Variants in SLC25A1 observed in about 807,000 individuals in gnomAD.
The protein encoded by SLC25A1 is solute carrier family 25 member 1.
SLC25A1 carries 26 observed loss-of-function variants against 38.1 expected under a neutral mutation model. The ratio of observed to expected loss-of-function variants is 0.68; its 90% CI spans 0.50 to 0.95. The LOEUF (loss-of-function observed/expected upper bound fraction) is 0.95. Ranked by LOEUF, SLC25A1 falls within the 40% of genes least tolerant of loss-of-function variation. The pLI is 0.00. For missense variants in SLC25A1, 378 were observed against 426.6 expected, an observed-to-expected ratio of 0.89 and a Z score of 1.00; for synonymous variants, 211 against 183.2, an observed-to-expected ratio of 1.15 and a Z score of -1.23.
At chr22:19,177,010 T>G (rs2083972172) in intron 5 of SLC25A1, 60 bp from the exon 6 acceptor site, 1 of 1,593,210 alleles carries the variant, frequency 6.3e-7, no homozygotes, top group African/African-American at 1.3e-5. Context: ...TGGGAATTGG[T>G]GTGTGTGGGG....
In SLC25A1 at chr22:19,175,952, TCA is replaced by T. The variant is rs527579079; in HGVS notation, c.*176_*177del. On this transcript the variant is annotated 3_prime_UTR_variant, in exon 9 of 9. Transcript: ENST00000215882. ...CAGACACTGGGACACAGTGGTGGTGTCACACACAGACCACAGGGGGGACACAT... is the reference window on the plus strand; with the variant it reads ...CAGACACTGGGACACAGTGGTGGTGTCACACAGACCACAGGGGGGACACAT... The T allele has an allele frequency of 3.1e-6, 2 of 636,036 alleles. No homozygotes were observed. The highest frequency in any genetic ancestry group is 5.7e-6 in the Non-Finnish European group (2 of 349,006). 39.4% of individuals were successfully genotyped at this position (636,036 alleles called of 1,614,324 possible). A position where few individuals can be genotyped will look rare whatever the true frequency, so the allele number is the denominator to read the frequency against.
rs562982371 is a variant in SLC25A1 at position 19,175,735 on chromosome 22, C to G, written c.*395G>C. ...CCCCTGGAATGCGGTGAAGCCAGGC[C>G]GAGGCCCGGAGGCAGCTGTGGTAGG... is the stretch of plus-strand genomic sequence containing the variant. On this transcript the variant is annotated 3_prime_UTR_variant, in exon 9 of 9. Coordinates refer to ENST00000215882, the MANE Select transcript of SLC25A1 (RefSeq NM_005984.5). 3.1e-4 allele frequency: 69 copies of G among 220,690 alleles called. No individual in the cohort carries two copies. The highest frequency in any genetic ancestry group is 1.5e-3 in the African/African-American group (66 of 43,294). 13.7% of individuals were successfully genotyped at this position (220,690 alleles called of 1,614,324 possible).
Position 19,176,585 on chromosome 22 carries a change from C to T in SLC25A1, c.740G>A (p.Arg247Gln), listed in dbSNP as rs781908532. Residue 247 changes from arginine to glutamine, a missense_variant, in exon 7 of 9, where the codon CGG becomes CAG. Physicochemically the swap from Arg to Gln is conservative, Grantham distance 43 (BLOSUM62 1). Coordinates refer to ENST00000215882, the MANE Select transcript of SLC25A1 (RefSeq NM_005984.5). ...CCTTCCCGGCCCCACCACCTGCATC[C>T]GGGTCTTAATCACATCCAGAGGAGT... ...GNTPLDVIKT[R>Q]MQGLEAHKYR... The T allele has an allele frequency of 9.9e-6, 16 of 1,613,554 alleles. No individual in the cohort carries two copies. The highest frequency in any genetic ancestry group is 2.2e-5 in the South Asian group (2 of 91,092).
At position 19,178,359 on chromosome 22, in the gene SLC25A1, C is replaced by T. The variant is rs2084006201; in HGVS notation, c.95-119G>A. The T allele has an allele frequency of 6.7e-7, 1 of 1,481,660 alleles. No individual in the cohort carries two copies. The highest frequency in any genetic ancestry group is 1.5e-5 in the African/African-American group (1 of 67,964). The allele number at this position is 1,481,660 out of a possible 1,614,324, so 91.8% of individuals were successfully genotyped here. A position where few individuals can be genotyped will look rare whatever the true frequency, so the allele number is the denominator to read the frequency against. ...GCGCCAGTGCCGCGGGGAACATAGG[C>T]TGGGGCCCCACGCCCCCATGCCCTC... On this transcript the variant is annotated intron_variant, in intron 1 of 8. Coordinates refer to ENST00000215882, the MANE Select transcript of SLC25A1 (RefSeq NM_005984.5). This position sits in a 1 kb window ranked among gnomAD's most constrained non-coding sequence, Gnocchi z 4.9.
rs376463484 is a variant in SLC25A1, at chr22:19,176,566, C to G, written c.747+12G>C. 24 of 1,612,702 alleles carry G rather than the reference C, an allele frequency of 1.5e-5. No homozygotes were observed. In the African/African-American group the frequency reaches 2.4e-4, roughly 16 times the overall value. On this transcript the variant is annotated intron_variant, in intron 7 of 8. Coordinates refer to ENST00000215882, the MANE Select transcript of SLC25A1 (RefSeq NM_005984.5). ...TGGTCCCCCCTTCCCCTCCCCTTCCCGGCCCCACCACCTGCATCCGGGTCT... is the reference window on the plus strand; with the variant it reads ...TGGTCCCCCCTTCCCCTCCCCTTCCGGGCCCCACCACCTGCATCCGGGTCT...
intron 6 of SLC25A1, 46 bp downstream of exon 6, chr22:19,176,800 A>G: frequency 6.2e-7 from 1 of 1,603,972 alleles, no homozygotes; most frequent in Non-Finnish European, 8.5e-7. Context: ...AGGAGAGGAG[A>G]GGAGCTGGCC....
chr22:19,177,255 C>G, intron 4 of SLC25A1, 51 bp from the exon 5 acceptor site: 4 of 1,507,594 alleles, frequency 2.7e-6, no homozygotes, highest in Non-Finnish European at 3.7e-6. Context: ...CTGGGTGGGT[C>G]CTGGCTAGCT....
chr22:19,176,219 G>A lies in SLC25A1; in HGVS notation c.847C>T (p.Leu283=), dbSNP rs782037827. The change falls in exon 9 of 9, where the codon CTG becomes TTG. Residue 283 remains leucine (L), a synonymous_variant. Coordinates refer to ENST00000215882, the MANE Select transcript of SLC25A1 (RefSeq NM_005984.5). ...KAFYKGTVPR[L]GRVCLDVAIV... Reference sequence around the variant, plus strand: ...GCCACATCCAGGCAGACCCGGCCCAGGCGGGGGACAGTGCCCTTGTAGAAT... The same window carrying A: ...GCCACATCCAGGCAGACCCGGCCCAAGCGGGGGACAGTGCCCTTGTAGAAT... The A allele has an allele frequency of 6.2e-7, 1 of 1,613,388 alleles. No homozygotes were observed. Among genetic ancestry groups the A allele is most frequent in the Non-Finnish European group, 8.5e-7 (1 of 1,179,992 alleles).
At position 19,175,808 on chromosome 22, in the gene SLC25A1, G is replaced by C; in HGVS notation, c.*322C>G. 4.3e-6 allele frequency: 1 copy of C among 230,276 alleles called. No homozygotes were observed. Among genetic ancestry groups the C allele is most frequent in the Non-Finnish European group, 8.1e-6 (1 of 123,312 alleles). The allele number at this position is 230,276 out of a possible 1,614,324, so 14.3% of individuals were successfully genotyped here. ...GGACTGGGACCGGGCCAGGGCTACA[G>C]GGCCGAGGACCCAGGCCACACGGGC... On this transcript the variant is annotated 3_prime_UTR_variant, in exon 9 of 9. Coordinates refer to ENST00000215882, the MANE Select transcript of SLC25A1 (RefSeq NM_005984.5).
At chr22:19,177,085 T>A (rs2083973086) in intron 5 of SLC25A1, 35 bp downstream of exon 5, 1 of 1,600,154 alleles carries the variant, frequency 6.2e-7, no homozygotes, top group African/African-American at 1.3e-5. Context: ...CTGGCCCAGG[T>A]CCCTGAGCCC....
rs1241578032 is a variant in SLC25A1, at chr22:19,178,243, G to A, written c.95-3C>T. The A allele has an allele frequency of 5.5e-5, 85 of 1,545,896 alleles. No individual in the cohort carries two copies. Among genetic ancestry groups the A allele is most frequent in the Non-Finnish European group, 7.4e-5 (85 of 1,145,310 alleles). ...CTCGATGCCACCCGCCAGGCCGCCT[G>A]CAGGGACCGGGAACCCGCTCCTGAG... On this transcript the variant is annotated splice_polypyrimidine_tract_variant and splice_region_variant and intron_variant, in intron 1 of 8. Coordinates refer to ENST00000215882, the MANE Select transcript of SLC25A1 (RefSeq NM_005984.5). The surrounding 1 kb of genome is among the most constrained non-coding windows in gnomAD (Gnocchi z 4.9).
Position 19,175,867 on chromosome 22 carries a change from CAG to C in SLC25A1, c.*261_*262del, listed in dbSNP as rs1409708916. 2.7e-5 allele frequency: 2 copies of C among 73,242 alleles called. No homozygotes were observed. The highest frequency in any genetic ancestry group is 1.6e-4 in the South Asian group (1 of 6,062). 4.5% of individuals were successfully genotyped at this position (73,242 alleles called of 1,614,324 possible). On this transcript the variant is annotated 3_prime_UTR_variant, in exon 9 of 9. Transcript: ENST00000215882. ...AGGCGGGGCACAGGGTCACGTGACA[CAG>C]AACATGAAACACAGGCACAGGGTCA... is the stretch of plus-strand genomic sequence containing the variant.
Position 19,178,070 on chromosome 22 carries a change from G to C in SLC25A1, c.203-29C>G. The stretch of plus-strand genomic sequence containing the variant: ...GGGGAGGGGGCGGTCAGGACCCCAC[G>C]GCCCTCGGTGCCGCCGCCCTGGGTA... On this transcript the variant is annotated intron_variant, in intron 2 of 8. Coordinates refer to ENST00000215882, the MANE Select transcript of SLC25A1 (RefSeq NM_005984.5). This position sits in a 1 kb window ranked among gnomAD's most constrained non-coding sequence, Gnocchi z 4.9. The C allele has an allele frequency of 1.3e-6, 2 of 1,551,492 alleles. No individual in the cohort carries two copies. The highest frequency in any genetic ancestry group is 1.7e-6 in the Non-Finnish European group (2 of 1,150,450).
intron 4 of SLC25A1, 70 bp from the exon 5 acceptor site, chr22:19,177,274 C>T: frequency 2.3e-6 from 3 of 1,308,334 alleles, no homozygotes; most frequent in Non-Finnish European, 3.3e-6. Context: ...CTGGCAGGCC[C>T]AGGGCCCATC....
rs782489989 is a variant in SLC25A1, at chr22:19,176,434, CCTT to C, written c.805_807del (p.Lys269del). 2.9e-5 allele frequency: 46 copies of C among 1,613,632 alleles called. No individual in the cohort carries two copies. The highest frequency in any genetic ancestry group is 6.7e-5 in the African/African-American group (5 of 74,934). On this transcript the variant is annotated inframe_deletion, in exon 8 of 9. Transcript: ENST00000215882. ...TCCCCCACTCACGCCTTGAGCCCCT[CCTT>C]CTTCAGGATCTGCAAGCCGCAGTCC...
At position 19,178,455 on chromosome 22, in the gene SLC25A1, G is replaced by A. The variant is rs1555923503; in HGVS notation, c.94+125C>T. 30 of 1,358,866 alleles carry A rather than the reference G, an allele frequency of 2.2e-5. No individual in the cohort carries two copies. Among genetic ancestry groups the A allele is most frequent in the Non-Finnish European group, 2.8e-5 (30 of 1,061,900 alleles). The allele number at this position is 1,358,866 out of a possible 1,614,324, so 84.2% of individuals were successfully genotyped here. A position where few individuals can be genotyped will look rare whatever the true frequency, so the allele number is the denominator to read the frequency against. ...GGCGAGTCCCAGCGCGCCGGGTGGG[G>A]ACCAGGACCGCGCCTCCACGACTCC... On this transcript the variant is annotated intron_variant, in intron 1 of 8. Coordinates refer to ENST00000215882, the MANE Select transcript of SLC25A1 (RefSeq NM_005984.5). The surrounding 1 kb of genome is among the most constrained non-coding windows in gnomAD (Gnocchi z 4.9).
Position 19,178,512 on chromosome 22 carries a change from G to C in SLC25A1, c.94+68C>G. On this transcript the variant is annotated intron_variant, in intron 1 of 8. Transcript: ENST00000215882. This position sits in a 1 kb window ranked among gnomAD's most constrained non-coding sequence, Gnocchi z 4.9. ...CACGGCCCAACCCGGAAGTGGGGCG[G>C]GGCCTCAGCGTCCCGGGCCCACCCA... 7.6e-7 allele frequency: 1 copy of C among 1,313,380 alleles called. No homozygotes were observed. Among genetic ancestry groups the C allele is most frequent in the Non-Finnish European group, 9.7e-7 (1 of 1,035,382 alleles). The allele number at this position is 1,313,380 out of a possible 1,614,324, so 81.4% of individuals were successfully genotyped here. A position where few individuals can be genotyped will look rare whatever the true frequency, so the allele number is the denominator to read the frequency against.
rs371253330 is a variant in SLC25A1 at position 19,177,711 on chromosome 22, C to G, written c.441+16G>C. 1.9e-6 allele frequency: 3 copies of G among 1,605,268 alleles called. No homozygotes were observed. The highest frequency in any genetic ancestry group is 2.5e-6 in the Non-Finnish European group (3 of 1,179,396). ...ACTCCCTGCGTGTCCGGGGTCCTCGCCAGGACCTTCCCCACCTTGATGGTC... is the reference window on the plus strand; with the variant it reads ...ACTCCCTGCGTGTCCGGGGTCCTCGGCAGGACCTTCCCCACCTTGATGGTC... On this transcript the variant is annotated intron_variant, in intron 4 of 8. Coordinates refer to ENST00000215882, the MANE Select transcript of SLC25A1 (RefSeq NM_005984.5).
chr22:19,176,100 T>A lies in SLC25A1; in HGVS notation c.*30A>T. 1 of 1,575,894 alleles carries A rather than the reference T, an allele frequency of 6.3e-7. No individual in the cohort carries two copies. Among genetic ancestry groups the A allele is most frequent in the South Asian group, 1.1e-5 (1 of 90,294 alleles). ...GGTAGCAGGACACTCTGGCGGTGCCTGGGGCGGTCCCCTTGCGGCCTCTCT... is the reference window on the plus strand; with the variant it reads ...GGTAGCAGGACACTCTGGCGGTGCCAGGGGCGGTCCCCTTGCGGCCTCTCT... On this transcript the variant is annotated 3_prime_UTR_variant, in exon 9 of 9. Coordinates refer to ENST00000215882, the MANE Select transcript of SLC25A1 (RefSeq NM_005984.5).
Sources: allele counts gnomAD v4.1 joint callset, GRCh38; gene constraint gnomAD v4.1.1; non-coding constraint Gnocchi (gnomAD v3.1); transcripts MANE v1.5; gene names NCBI Gene and HGNC (gene_info 2026-07-23, HGNC 2026-07-21).